The following BIRC6 variants were observed in gnomAD, a reference collection of about 807,000 sequenced individuals.
BIRC6 encodes the protein dual E2 ubiquitin-conjugating enzyme/E3 ubiquitin-protein ligase BIRC6.
In BIRC6, 98 loss-of-function variants were observed where a neutral mutation model predicts 503.3. The ratio of observed to expected loss-of-function variants is 0.19; its 90% confidence interval spans 0.17 to 0.23. BIRC6 has a LOEUF of 0.23. Ranked by LOEUF, BIRC6 falls within the 10% of genes least tolerant of loss-of-function variation. The pLI, the probability that BIRC6 is intolerant of heterozygous loss-of-function variation, is 1.00. For missense variants in BIRC6, 5,360 were observed against 5,806.0 expected, an observed-to-expected ratio of 0.92 and a Z score of 2.50; for synonymous variants, 2,240 against 2,078.7, an observed-to-expected ratio of 1.08 and a Z score of -2.11.
At chr2:32,608,250 A>G (rs2062608609) in intron 72 of BIRC6, among the ~76,000 whole-genome samples, 1 of 151,624 alleles carries the variant, frequency 6.6e-6, no homozygotes, top group Admixed American at 6.6e-5. Context: ...CTGTGTTCAC[A>G]TGACTGCACT....
At chr2:32,600,685 C>G (rs2061994825) in intron 70 of BIRC6, among the ~76,000 whole-genome samples, 1 of 152,172 alleles carries the variant, frequency 6.6e-6, no homozygotes, top group Non-Finnish European at 1.5e-5. Flanking sequence ...ATTCTCAAGG[C>G]TTCGTTGCAT....
chr2:32,519,479 G>A (rs771246990), intron 57 of BIRC6, among the ~76,000 whole-genome samples: 1 of 152,048 alleles, frequency 6.6e-6, no homozygotes, highest in Non-Finnish European at 1.5e-5. Context: ...TTAAAAAGCA[G>A]TTTTTGATGG....
chr2:32,400,336 C>CTTTTTTT (rs746431747), intron 6 of BIRC6, among the ~76,000 whole-genome samples: 6 of 118,330 alleles, frequency 5.1e-5, no homozygotes, highest in Non-Finnish European at 5.3e-5. Context: ...GCTTTCAGAT[C>CTTTTTTT]TTTTTTTTTT....
chr2:32,366,072 A>G (rs907765456), intron 1 of BIRC6, among the ~76,000 whole-genome samples: 6 of 151,510 alleles, frequency 4.0e-5, no homozygotes, highest in Non-Finnish European at 7.4e-5. Flanking sequence ...TTTACTAGAG[A>G]TGGGGTCAGG....
At chr2:32,360,945 G>C (rs1165467340) in intron 1 of BIRC6, among the ~76,000 whole-genome samples, 1 of 151,538 alleles carries the variant, frequency 6.6e-6, no homozygotes, top group African/African-American at 2.4e-5. Context: ...TTCTTTGACA[G>C]AGTGTCACTC....
intron 42 of BIRC6, among the ~76,000 whole-genome samples, chr2:32,489,658 T>C (rs2051451695): frequency 6.6e-6 from 1 of 151,964 alleles, no homozygotes. Flanking sequence ...ATTAGCCGGC[T>C]GTGTTGACGC....
chr2:32,481,238 AC>A, intron 37 of BIRC6, 81 bp from the exon 38 acceptor site: 1 of 1,276,892 alleles, frequency 7.8e-7, no homozygotes, highest in East Asian at 2.6e-5. Context: ...AAGTAAAATA[AC>A]TTTTTTTAAC....
chr2:32,496,750 T>G (rs1049727542), intron 45 of BIRC6, among the ~76,000 whole-genome samples: 2 of 152,234 alleles, frequency 1.3e-5, no homozygotes, highest in Middle Eastern at 3.4e-3. Flanking sequence ...TCATTTTGAG[T>G]GAGATTGCAT....
intron 65 of BIRC6, among the ~76,000 whole-genome samples, chr2:32,553,642 G>A (rs1011919150): frequency 3.3e-5 from 5 of 151,766 alleles, no homozygotes; most frequent in South Asian, 2.1e-4. Flanking sequence ...CGCTCACCTC[G>A]GCCTCCCAAA....
chr2:32,615,675 C>T (rs747510547), intron 73 of BIRC6, among the ~76,000 whole-genome samples: 24 of 152,044 alleles, frequency 1.6e-4, no homozygotes, highest in Non-Finnish European at 2.5e-4. Context: ...GCTCTGCTGC[C>T]AGGCTGGAGT....
At chr2:32,504,743 CTG>C (rs1338223122) in intron 49 of BIRC6, among the ~76,000 whole-genome samples, 1 of 151,786 alleles carries the variant, frequency 6.6e-6, no homozygotes, top group East Asian at 1.9e-4. Context: ...ACGTTTATTG[CTG>C]TGTCTTTAGT....
intron 1 of BIRC6, among the ~76,000 whole-genome samples, chr2:32,377,102 C>T (rs2036899884): frequency 6.6e-6 from 1 of 152,084 alleles, no homozygotes; most frequent in South Asian, 2.1e-4. Context: ...TTTGCACTTA[C>T]AGAAAAATTG....
intron 1 of BIRC6, among the ~76,000 whole-genome samples, chr2:32,361,069 C>T (rs1314656982): frequency 6.6e-6 from 1 of 152,082 alleles, no homozygotes; most frequent in Admixed American, 6.6e-5. Context: ...TACAGGTACA[C>T]ACCACCAGAC....
intron 33 of BIRC6, among the ~76,000 whole-genome samples, chr2:32,475,455 T>C (rs917362347): frequency 6.6e-6 from 1 of 152,174 alleles, no homozygotes; most frequent in South Asian, 2.1e-4. Flanking sequence ...AGGAGGGAAG[T>C]GTGGATATAC....
intron 64 of BIRC6, 129 bp downstream of exon 64, chr2:32,548,143 G>T: frequency 1.3e-6 from 1 of 741,370 alleles, no homozygotes; most frequent in East Asian, 3.0e-5. Flanking sequence ...TCTTCCCAGT[G>T]CATTCTAAGA....
intron 24 of BIRC6, 70 bp from the exon 25 acceptor site, chr2:32,464,439 C>G: frequency 7.0e-7 from 1 of 1,433,756 alleles, no homozygotes; most frequent in Non-Finnish European, 9.3e-7. Flanking sequence ...AATATATGTC[C>G]ATGTGGTATT....
chr2:32,361,213 G>T (rs1330158890), intron 1 of BIRC6, among the ~76,000 whole-genome samples: 1 of 152,158 alleles, frequency 6.6e-6, no homozygotes, highest in Non-Finnish European at 1.5e-5. Context: ...GGGATTACAG[G>T]TTTGGGCCAC....
At chr2:32,395,680 T>C (rs1403370097) in intron 6 of BIRC6, 87 bp downstream of exon 6, 1 of 1,215,270 alleles carries the variant, frequency 8.2e-7, no homozygotes, top group Non-Finnish European at 1.2e-6. Flanking sequence ...TATGATATAA[T>C]TTTTTGCCTT....
chr2:32,600,015 T>C, intron 70 of BIRC6, 115 bp downstream of exon 70: 1 of 951,764 alleles, frequency 1.1e-6, no homozygotes, highest in East Asian at 2.6e-5. Context: ...GGTTTCTTTG[T>C]ACTTCTCTTC....
Sources: allele counts gnomAD v4.1 joint callset (sites outside exome capture counted in the v4.1 genomes callset), GRCh38; gene constraint gnomAD v4.1.1; transcripts MANE v1.5; gene names NCBI Gene and HGNC (gene_info 2026-07-23, HGNC 2026-07-21).